NWD1: variants seen among roughly 807,000 people sequenced by gnomAD.
The protein encoded by NWD1 is NACHT domain- and WD repeat-containing protein 1.
Under a neutral mutation model 135.1 loss-of-function variants are expected in NWD1, and 129 were observed. The observed-to-expected ratio is 0.96, with a 90% CI of 0.83 to 1.11. NWD1 has a LOEUF of 1.11. NWD1 is among the 50% of genes least tolerant of loss of function. The pLI, the probability that NWD1 is intolerant of heterozygous loss-of-function variation, is 0.00. For missense variants in NWD1, 1,740 were observed against 1,851.3 expected (o/e 0.94, Z 1.10); for synonymous variants, 773 against 786.0 (o/e 0.98, Z 0.28).
chr19:16,755,552 C>T (rs1968758471), intron 6 of NWD1, among the ~76,000 whole-genome samples: 2 of 152,138 alleles, frequency 1.3e-5, no homozygotes, highest in Admixed American at 6.6e-5. Flanking sequence ...CCATGCCTGG[C>T]TAATTTTTGT....
intron 12 of NWD1, among the ~76,000 whole-genome samples, chr19:16,784,855 G>A (rs1033608606): frequency 6.6e-6 from 1 of 150,452 alleles, no homozygotes; most frequent in East Asian, 1.9e-4. Context: ...CTTGAACCCG[G>A]GGGGCGGAGG....
At chr19:16,792,957 A>G (rs1465267017) in intron 14 of NWD1, among the ~76,000 whole-genome samples, 1 of 149,900 alleles carries the variant, frequency 6.7e-6, no homozygotes, top group Non-Finnish European at 1.5e-5. Flanking sequence ...ATGTGGGAGG[A>G]TCATTTGAGC....
chr19:16,799,206 A>C (rs1194419476), intron 16 of NWD1, among the ~76,000 whole-genome samples: 1 of 151,912 alleles, frequency 6.6e-6, no homozygotes, highest in African/African-American at 2.4e-5. Context: ...ATTTATTTTT[A>C]TTTTTATTTT....
At position 16,749,973 on chromosome 19, in the gene NWD1, C is replaced by T; in HGVS notation, c.1331C>T (p.Ser444Phe). ...LLLDAMDDLD[S>F]VRHARRVPWL... ...CTGGATGCTATGGATGACCTGGACT[C>T]TGTCCGCCATGCTCGGAGGGTTCCC... is the stretch of plus-strand genomic sequence containing the variant. The change falls in exon 6 of 19, where the codon TCT becomes TTT. Residue 444 changes from serine (S) to phenylalanine (F), a missense_variant. Physicochemically the swap from Ser to Phe is radical, Grantham distance 155 (BLOSUM62 -2). Coordinates refer to ENST00000524140, the MANE Select transcript of NWD1 (RefSeq NM_001007525.5). 1 of 1,613,902 alleles carries T rather than the reference C, an allele frequency of 6.2e-7. No homozygotes were observed. Among genetic ancestry groups the T allele is most frequent in the Non-Finnish European group, 8.5e-7 (1 of 1,180,040 alleles).
rs869281364 is a variant in NWD1, at chr19:16,795,415, C to CTT, written c.3304+880_3304+881dup. 8.9e-4 allele frequency among the ~76,000 whole-genome samples: 122 copies of CTT among 136,332 alleles called. 3 individuals carry two copies. The highest frequency in any genetic ancestry group is 3.1e-3 in the African/African-American group (114 of 36,210). The allele number at this position is 136,332 out of a possible 152,430, so 89.4% of individuals were successfully genotyped here. On this transcript the variant is annotated intron_variant, in intron 15 of 18. Coordinates refer to ENST00000524140, the MANE Select transcript of NWD1 (RefSeq NM_001007525.5). ...GGGGGTGTTACAGTGTGCTAATTAC[C>CTT]TTTTTTTTTTTTTTTTTTTGAGACC...
At chr19:16,753,654 G>A (rs1968664537) in intron 6 of NWD1, among the ~76,000 whole-genome samples, 1 of 152,154 alleles carries the variant, frequency 6.6e-6, no homozygotes, top group Non-Finnish European at 1.5e-5. Context: ...TCTTTACTGA[G>A]TGGAGTCCAG....
intron 12 of NWD1, among the ~76,000 whole-genome samples, chr19:16,787,407 T>C (rs1390043167): frequency 1.3e-5 from 2 of 152,196 alleles, no homozygotes; most frequent in African/African-American, 2.4e-5. Context: ...TGAATCTTTA[T>C]AAAACTCAAT....
chr19:16,734,049 C>T lies in NWD1; in HGVS notation c.82-2585C>T, dbSNP rs149779141. Among the ~76,000 whole-genome samples, 57 of 152,218 alleles carry T rather than the reference C, an allele frequency of 3.7e-4. 1 individual carries two copies. The highest frequency in any genetic ancestry group is 1.2e-3 in the African/African-American group (50 of 41,538). The stretch of plus-strand genomic sequence containing the variant: ...CAGCCTTCCACAGGGTCAGCTTTGC[C>T]TACCTGAACTGAGCTGTTCTGCCCA... On this transcript the variant is annotated intron_variant, in intron 3 of 18. Transcript: ENST00000524140.
At chr19:16,759,645 G>A (rs562059227) in intron 7 of NWD1, among the ~76,000 whole-genome samples, 9 of 152,284 alleles carry the variant, frequency 5.9e-5, no homozygotes, top group Non-Finnish European at 1.2e-4. Context: ...GTGGGGCCAG[G>A]GCAGGAGGAT....
At chr19:16,776,681 C>A (rs1378229164) in intron 11 of NWD1, among the ~76,000 whole-genome samples, 2 of 149,306 alleles carry the variant, frequency 1.3e-5, no homozygotes, top group Non-Finnish European at 3.0e-5. Flanking sequence ...ATAATCCCAG[C>A]TCTTTGGGAG....
chr19:16,779,797 C>T (rs1469073073), intron 12 of NWD1, among the ~76,000 whole-genome samples: 1 of 151,892 alleles, frequency 6.6e-6, no homozygotes, highest in East Asian at 1.9e-4. Flanking sequence ...CCACTATACC[C>T]AGCTAATTTT....
intron 12 of NWD1, among the ~76,000 whole-genome samples, chr19:16,782,874 TTCTTTCTTTC>T (rs1469819496): frequency 6.7e-6 from 1 of 149,994 alleles, no homozygotes. Context: ...CTTTCTTTCT[TTCTTTCTTTC>T]TCTTTCTTTT....
rs111956607 is a variant in NWD1 at position 16,809,838 on chromosome 19, T to C, written c.4287+1702T>C. ...TCACAAAGTGCTGGGATTACAGTCA[T>C]GAGCCACCGTGCCTGGCTGCTCCGT... is the stretch of plus-strand genomic sequence containing the variant. On this transcript the variant is annotated intron_variant, in intron 18 of 18. Coordinates refer to ENST00000524140, the MANE Select transcript of NWD1 (RefSeq NM_001007525.5). Among the ~76,000 whole-genome samples, 1,420 of 152,214 alleles carry C rather than the reference T, an allele frequency of 9.3e-3. 29 individuals are homozygous for C. Among genetic ancestry groups the C allele is most frequent in the African/African-American group, 0.033 (1,361 of 41,548 alleles).
Position 16,750,128 on chromosome 19 carries a change from T to C in NWD1, c.1486T>C (p.Ser496Pro). ...GGCCTACTGGGAGGTGAAGCCCCTT[T>C]CCGGAAACCAAGGCCAGCAGATGAT... ...PEAYWEVKPL[S>P]GNQGQQMIQL... is the part of the protein sequence containing the mutation. Residue 496 changes from serine (S) to proline (P), a missense_variant, in exon 6 of 19, where the codon TCC (serine) becomes CCC (proline). Physicochemically the swap from Ser to Pro is moderately conservative, Grantham distance 74. Transcript: ENST00000524140. 1 of 1,613,946 alleles carries C rather than the reference T, an allele frequency of 6.2e-7. No individual in the cohort carries two copies. Among genetic ancestry groups the C allele is most frequent in the Non-Finnish European group, 8.5e-7 (1 of 1,179,994 alleles).
chr19:16,785,136 C>T (rs995479579), intron 12 of NWD1, among the ~76,000 whole-genome samples: 3 of 151,808 alleles, frequency 2.0e-5, no homozygotes, highest in Non-Finnish European at 4.4e-5. Flanking sequence ...TGGGGGGTTG[C>T]GAATGTTCTG....
At position 16,801,228 on chromosome 19, in the gene NWD1, G is replaced by A. The variant is rs1003438330; in HGVS notation, c.3736+1066G>A. On this transcript the variant is annotated intron_variant, in intron 17 of 18. Coordinates refer to ENST00000524140, the MANE Select transcript of NWD1 (RefSeq NM_001007525.5). ...TGGGAGGCAGAGGTTGCAGTGAGCC[G>A]AGATCACGCCATTGCACTCCAGCCT... Among the ~76,000 whole-genome samples the A allele has an allele frequency of 5.3e-5, 8 of 151,980 alleles. No homozygotes were observed. The East Asian group carries it at 1.3e-3, about 26-fold the overall frequency.
intron 6 of NWD1, among the ~76,000 whole-genome samples, chr19:16,758,193 A>T (rs1484886248): frequency 6.6e-6 from 1 of 152,200 alleles, no homozygotes; most frequent in Non-Finnish European, 1.5e-5. Flanking sequence ...ACTTTGAAAG[A>T]TGGTTCATGC....
rs1787206582 is a variant in NWD1 at position 16,720,015 on chromosome 19, A to G, written c.-383A>G. On this transcript the variant is annotated 5_prime_UTR_variant, in exon 1 of 19. Coordinates refer to ENST00000524140, the MANE Select transcript of NWD1 (RefSeq NM_001007525.5). ...GGTCGTTCAACTACCAGCAAAGGCT[A>G]AAGAGAGGCTGGAGCCCCCAGGACA... 6.6e-6 allele frequency: 1 copy of G among 152,276 alleles called. No homozygotes were observed. Among genetic ancestry groups the G allele is most frequent in the Non-Finnish European group, 1.5e-5 (1 of 68,084 alleles). 9.4% of individuals were successfully genotyped at this position (152,276 alleles called of 1,614,324 possible). A position where few individuals can be genotyped will look rare whatever the true frequency, so the allele number is the denominator to read the frequency against.
intron 11 of NWD1, 69 bp from the exon 12 acceptor site, chr19:16,779,274 G>T: frequency 1.3e-6 from 2 of 1,578,978 alleles, no homozygotes; most frequent in Non-Finnish European, 8.7e-7. Context: ...GGGCTCATTA[G>T]AGGACCCCAT....
Sources: allele counts gnomAD v4.1 joint callset (sites outside exome capture counted in the v4.1 genomes callset), GRCh38; gene constraint gnomAD v4.1.1; transcripts MANE v1.5; gene names NCBI Gene and HGNC (gene_info 2026-07-23, HGNC 2026-07-21).